Variants in SCAPER observed in about 807,000 individuals in gnomAD.
The protein encoded by SCAPER is S-phase cyclin A associated protein in the ER.
SCAPER carries 98 observed loss-of-function variants against 182.2 expected under a neutral mutation model. The observed-to-expected ratio is 0.54, with a 90% CI of 0.46 to 0.64. The LOEUF is 0.64. SCAPER is among the 30% of genes least tolerant of loss of function. The pLI, the probability that SCAPER is intolerant of heterozygous loss-of-function variation, is 0.00. For synonymous variants in SCAPER, 605 were observed against 564.6 expected (o/e 1.07, Z -1.01); for missense variants, 1,432 against 1,690.0 (o/e 0.85, Z 2.68).
intron 22 of SCAPER, among the ~76,000 whole-genome samples, chr15:76,588,559 T>C (rs367900512): frequency 7.2e-5 from 11 of 152,352 alleles, no homozygotes; most frequent in East Asian, 3.9e-4. Context: ...TGCAATTCTG[T>C]ATCTTTTGAG....
At chr15:76,512,101 C>A (rs1052033564) in intron 23 of SCAPER, among the ~76,000 whole-genome samples, 3 of 151,446 alleles carry the variant, frequency 2.0e-5, no homozygotes, top group Admixed American at 1.3e-4. Context: ...TTGGTCAGGC[C>A]GGTCTCGAAC....
Position 76,602,507 on chromosome 15 carries a change from T to C in SCAPER, c.2711+19257A>G, listed in dbSNP as rs2049998492. Among the ~76,000 whole-genome samples, 3 of 121,106 alleles carry C rather than the reference T, an allele frequency of 2.5e-5. No individual in the cohort carries two copies. In the South Asian group the frequency reaches 7.6e-4, roughly 31 times the overall value. 79.5% of individuals were successfully genotyped at this position (121,106 alleles called of 152,430 possible). ...TTGATTTACTGCAATTTGAATATCA[T>C]ACGCTCACAGGTAGAATTTTTTGTT... On this transcript the variant is annotated intron_variant, in intron 22 of 31. Coordinates refer to ENST00000563290, the MANE Select transcript of SCAPER (RefSeq NM_020843.4).
intron 23 of SCAPER, among the ~76,000 whole-genome samples, chr15:76,549,307 CAT>C (rs1350026828): frequency 4.6e-5 from 7 of 152,142 alleles, no homozygotes; most frequent in Non-Finnish European, 1.0e-4. Context: ...CACATGCACA[CAT>C]ATGTTTATTG....
chr15:76,881,293 G>A (rs550975447), intron 2 of SCAPER, among the ~76,000 whole-genome samples: 2 of 152,134 alleles, frequency 1.3e-5, no homozygotes, highest in South Asian at 2.1e-4. Flanking sequence ...CCAGGGTTTC[G>A]CCATGTTGGC....
chr15:76,785,046 A>G lies in SCAPER; in HGVS notation c.773-9929T>C, dbSNP rs542691159. Among the ~76,000 whole-genome samples, 25 of 152,352 alleles carry G rather than the reference A, an allele frequency of 1.6e-4. No homozygotes were observed. The South Asian group carries it at 4.6e-3, about 28-fold the overall frequency. The stretch of plus-strand genomic sequence containing the variant: ...TTGACAAATGGGATCTACTTAAACT[A>G]AAGAGCTTCTGCAGAGCAGAGCAAA... On this transcript the variant is annotated intron_variant, in intron 8 of 31. Coordinates refer to ENST00000563290, the MANE Select transcript of SCAPER (RefSeq NM_020843.4).
intron 20 of SCAPER, among the ~76,000 whole-genome samples, chr15:76,700,920 A>G (rs1394629854): frequency 2.0e-5 from 3 of 152,212 alleles, no homozygotes; most frequent in Admixed American, 6.5e-5. Flanking sequence ...TGATACAAAA[A>G]TTCACAGTAG....
At chr15:76,396,205 G>A (rs916391655) in intron 27 of SCAPER, among the ~76,000 whole-genome samples, 10 of 152,172 alleles carry the variant, frequency 6.6e-5, no homozygotes, top group African/African-American at 2.4e-4. Context: ...TTTTATGCCA[G>A]TACCATGCTG....
At chr15:76,803,073 A>G (rs1382534131) in intron 6 of SCAPER, among the ~76,000 whole-genome samples, 1 of 152,048 alleles carries the variant, frequency 6.6e-6, no homozygotes, top group Non-Finnish European at 1.5e-5. Flanking sequence ...CATAAATCTG[A>G]TATGTCACTT....
intron 22 of SCAPER, among the ~76,000 whole-genome samples, chr15:76,587,900 C>T (rs2048794007): frequency 6.6e-6 from 1 of 151,572 alleles, no homozygotes; most frequent in Non-Finnish European, 1.5e-5. Context: ...TACTGTGCTA[C>T]TGTCTTTCTC....
chr15:76,719,985 T>TTGTTACATATGTATACA (rs1367303450), intron 17 of SCAPER, among the ~76,000 whole-genome samples: 7 of 152,078 alleles, frequency 4.6e-5, no homozygotes, highest in African/African-American at 1.7e-4. Flanking sequence ...ACGTGCAGGT[T>TTGTTACATATGTATACA]TGTTACATAT....
rs778552490 is a variant in SCAPER at position 76,702,899 on chromosome 15, T to C, written c.2351A>G (p.Lys784Arg). The change falls in exon 19 of 32, where the codon AAA (lysine) becomes AGA (arginine). Residue 784 changes from lysine (K) to arginine (R), a missense_variant. Lys to Arg is a conservative substitution (Grantham distance 26). Transcript: ENST00000563290. ...GRHANTDYAP[K>R]LTPYERKKQC... Reference sequence around the variant, plus strand: ...CTTCTTTCTTTCATAAGGGGTCAGTTTGGGGGCATAATCAGTATTTGCATG... The same window carrying C: ...CTTCTTTCTTTCATAAGGGGTCAGTCTGGGGGCATAATCAGTATTTGCATG... 1.9e-6 allele frequency: 3 copies of C among 1,610,558 alleles called. No homozygotes were observed. The highest frequency in any genetic ancestry group is 1.7e-4 in the Middle Eastern group (1 of 6,056).
At chr15:76,382,796 G>A (rs975895897) in intron 27 of SCAPER, among the ~76,000 whole-genome samples, 3 of 152,092 alleles carry the variant, frequency 2.0e-5, no homozygotes, top group Admixed American at 6.6e-5. Flanking sequence ...TTGCTGAGAC[G>A]CTTGGGAAGA....
intron 27 of SCAPER, among the ~76,000 whole-genome samples, chr15:76,388,359 G>C (rs2043425646): frequency 6.6e-6 from 1 of 152,112 alleles, no homozygotes; most frequent in African/African-American, 2.4e-5. Flanking sequence ...AGGAGGCTGA[G>C]GCAGGAGCAT....
intron 23 of SCAPER, among the ~76,000 whole-genome samples, chr15:76,553,860 C>T (rs2045975131): frequency 1.3e-5 from 2 of 152,132 alleles, no homozygotes; most frequent in Non-Finnish European, 2.9e-5. Flanking sequence ...ATTAAAGGAA[C>T]ATCAGCCCAC....
intron 5 of SCAPER, among the ~76,000 whole-genome samples, chr15:76,834,511 G>T (rs1253757576): frequency 6.6e-6 from 1 of 152,034 alleles, no homozygotes; most frequent in Admixed American, 6.6e-5. Context: ...ACTCCGAGCT[G>T]AACTGAACAC....
At chr15:76,517,499 G>A (rs910989470) in intron 23 of SCAPER, among the ~76,000 whole-genome samples, 11 of 151,778 alleles carry the variant, frequency 7.2e-5, no homozygotes, top group Non-Finnish European at 1.6e-4. Context: ...ACAGGCATGT[G>A]CCACTACACC....
chr15:76,362,903 G>C (rs2041545650), intron 29 of SCAPER, among the ~76,000 whole-genome samples: 1 of 152,136 alleles, frequency 6.6e-6, no homozygotes, highest in Admixed American at 6.5e-5. Flanking sequence ...GAGTGATCCT[G>C]CATTTTCTCC....
At chr15:76,468,663 T>G (rs1276327693) in intron 25 of SCAPER, among the ~76,000 whole-genome samples, 1 of 152,144 alleles carries the variant, frequency 6.6e-6, no homozygotes, top group Non-Finnish European at 1.5e-5. Flanking sequence ...TCACTGAATA[T>G]CTTTCTCTGT....
intron 5 of SCAPER, among the ~76,000 whole-genome samples, chr15:76,821,439 C>A (rs1273507308): frequency 6.6e-6 from 1 of 151,930 alleles, no homozygotes; most frequent in Non-Finnish European, 1.5e-5. Context: ...AGGAACATGG[C>A]AAAACTCCAT....
Sources: allele counts gnomAD v4.1 joint callset (sites outside exome capture counted in the v4.1 genomes callset), GRCh38; gene constraint gnomAD v4.1.1; transcripts MANE v1.5; gene names NCBI Gene and HGNC (gene_info 2026-07-23, HGNC 2026-07-21).